Variants in ZNF420 observed in about 807,000 individuals in gnomAD.
The protein encoded by ZNF420 is zinc finger protein 420, also known as ATM and p53-associated KZNF protein.
A neutral mutation model predicts 44.7 loss-of-function variants in ZNF420; 31 were observed. The ratio of observed to expected loss-of-function variants is 0.69; its 90% CI spans 0.52 to 0.94. ZNF420 has a LOEUF of 0.94. ZNF420 is among the 40% of genes least tolerant of loss of function. The pLI, the probability that ZNF420 is intolerant of heterozygous loss-of-function variation, is 0.00. For synonymous variants in ZNF420, 245 were observed against 267.4 expected, an observed-to-expected ratio of 0.92 and a Z score of 0.82; for missense variants, 681 against 827.9, an observed-to-expected ratio of 0.82 and a Z score of 2.18.
intron 1 of ZNF420, among the ~76,000 whole-genome samples, chr19:37,027,661 T>A (rs1967181439): frequency 6.6e-6 from 1 of 152,236 alleles, no homozygotes; most frequent in South Asian, 2.1e-4. Flanking sequence ...GTATTTTATA[T>A]AATTGGAACT....
At chr19:37,075,029 G>A (rs1349625517), upstream of ZNF420, 2 of 152,188 alleles carry the variant, frequency 1.3e-5, no homozygotes, top group Admixed American at 6.5e-5. Context: ...TCTGTTGGAA[G>A]AAGTTCAAAA....
At chr19:37,099,389 G>A (rs1969635275) in intron 4 of ZNF420, among the ~76,000 whole-genome samples, 1 of 152,064 alleles carries the variant, frequency 6.6e-6, no homozygotes, top group African/African-American at 2.4e-5. Flanking sequence ...GCAGTGAGGT[G>A]ATATCTGATT....
intron 1 of ZNF420, among the ~76,000 whole-genome samples, chr19:37,020,216 C>CAAAAA (rs376616699): frequency 2.0e-5 from 2 of 99,822 alleles, no homozygotes; most frequent in Admixed American, 9.7e-5. Context: ...GACTCCGTCT[C>CAAAAA]AAAAAAAAAA....
chr19:37,105,697 CTCTTT>C (rs1356351081), intron 4 of ZNF420, among the ~76,000 whole-genome samples: 1 of 152,066 alleles, frequency 6.6e-6, no homozygotes, highest in Non-Finnish European at 1.5e-5. Context: ...TGTTTGTGTT[CTCTTT>C]TATTTCACTG....
intron 1 of ZNF420, among the ~76,000 whole-genome samples, chr19:37,060,306 A>C (rs1967853243): frequency 6.6e-6 from 1 of 152,118 alleles, no homozygotes; most frequent in Admixed American, 6.5e-5. Context: ...CCACGATACA[A>C]TCTTAAAGAA....
intron 4 of ZNF420, chr19:37,115,312 GGGACCGGCGCTCACCATACGGA>G (rs1183763524): frequency 2.6e-5 from 4 of 152,916 alleles, no homozygotes; most frequent in African/African-American, 7.2e-5. Flanking sequence ...GTGGGCCCAG[GGGACCGGCGCTCACCATACGGA>G]GGACCCGCGC....
chr19:37,109,645 A>T (rs1263499669), intron 4 of ZNF420: 1 of 152,158 alleles, frequency 6.6e-6, no homozygotes, highest in Non-Finnish European at 1.5e-5. Context: ...CGACAGGTTC[A>T]TTGTAGAACT....
In ZNF420 at chr19:37,127,748, T is replaced by C. The variant is rs1362022017; in HGVS notation, c.757T>C (p.Cys253Arg). The change falls in exon 5 of 5, where the codon TGT (cysteine) becomes CGT (arginine). Residue 253 changes from cysteine to arginine, a missense_variant. By Grantham distance (180) the Cys-to-Arg change is radical. Transcript: ENST00000337995. ...KVHTGEKPYECKECGKAFTQN... is the reference protein window; with the variant it reads ...KVHTGEKPYERKECGKAFTQN... Reference sequence around the variant, plus strand: ...TCATACTGGTGAGAAACCTTATGAATGTAAAGAATGTGGGAAGGCCTTTAC... The same window carrying C: ...TCATACTGGTGAGAAACCTTATGAACGTAAAGAATGTGGGAAGGCCTTTAC... 1.9e-6 allele frequency: 3 copies of C among 1,613,942 alleles called. No individual in the cohort carries two copies. The highest frequency in any genetic ancestry group is 2.5e-6 in the Non-Finnish European group (3 of 1,179,974).
At chr19:37,107,622 C>CA (rs1239404450) in intron 4 of ZNF420, 1 of 152,124 alleles carries the variant, frequency 6.6e-6, no homozygotes, top group East Asian at 2.0e-4. Flanking sequence ...TTCTTTTGGA[C>CA]AAAACCGCCA....
chr19:37,124,848 T>A (rs188348237), intron 4 of ZNF420, among the ~76,000 whole-genome samples: 1 of 151,916 alleles, frequency 6.6e-6, no homozygotes, highest in Non-Finnish European at 1.5e-5. Context: ...TGTATTTTGT[T>A]TTTTTTGAGA....
intron 2 of ZNF420, among the ~76,000 whole-genome samples, chr19:37,087,693 T>A (rs1968897910): frequency 6.6e-6 from 1 of 152,196 alleles, no homozygotes; most frequent in African/African-American, 2.4e-5. Flanking sequence ...TCGCCCAGGC[T>A]GGAGTGCAGT....
In ZNF420 at chr19:37,046,578, G is replaced by A. The variant is rs933280407; in HGVS notation, c.-124-33767G>A. On this transcript the variant is annotated intron_variant, in intron 1 of 4. Coordinates refer to the ZNF420 transcript ENST00000587029. ...AATGGAATCCTAAATATAAATTCAGGGTAGTAGTTACCGCTGGGGCTGAAA... is the reference window on the plus strand; with the variant it reads ...AATGGAATCCTAAATATAAATTCAGAGTAGTAGTTACCGCTGGGGCTGAAA... 4.6e-5 allele frequency among the ~76,000 whole-genome samples: 7 copies of A among 152,052 alleles called. No individual in the cohort carries two copies. The East Asian group carries it at 1.2e-3, about 25-fold the overall frequency.
intron 4 of ZNF420, among the ~76,000 whole-genome samples, chr19:37,102,856 T>G (rs1385790809): frequency 6.6e-6 from 1 of 152,232 alleles, no homozygotes; most frequent in East Asian, 1.9e-4. Context: ...CTCCAGTGCT[T>G]TGGATTTGTG....
intron 1 of ZNF420, among the ~76,000 whole-genome samples, chr19:37,033,913 C>A (rs544970040): frequency 6.6e-5 from 10 of 152,232 alleles, no homozygotes; most frequent in African/African-American, 2.4e-4. Context: ...CACAGCACCA[C>A]GCCTGGCTAA....
At chr19:37,036,636 G>A (rs1400022308) in intron 1 of ZNF420, among the ~76,000 whole-genome samples, 1 of 152,058 alleles carries the variant, frequency 6.6e-6, no homozygotes, top group Admixed American at 6.6e-5. Context: ...AATAACCCTT[G>A]GTTTTTAAAG....
At position 37,127,193 on chromosome 19, in the gene ZNF420, T is replaced by C. The variant is rs375693206; in HGVS notation, c.202T>C (p.Ser68Pro). 2 of 1,595,294 alleles carry C rather than the reference T, an allele frequency of 1.3e-6. No homozygotes were observed. The highest frequency in any genetic ancestry group is 2.7e-5 in the African/African-American group (2 of 73,978). Residue 68 changes from serine to proline, a missense_variant, in exon 5 of 5, where the codon TCC (serine) becomes CCC (proline). Ser to Pro is a moderately conservative substitution (Grantham distance 74). Coordinates refer to ENST00000337995, the MANE Select transcript of ZNF420 (RefSeq NM_144689.5). ...PEKNTYETEL[S>P]QWEMSDRLEN... is the part of the protein sequence containing the mutation. ...AAAGAACACTTATGAAACAGAATTA[T>C]CCCAATGGGAAATGAGTGACAGACT...
At chr19:37,120,041 G>A (rs548997988) in intron 4 of ZNF420, among the ~76,000 whole-genome samples, 2 of 152,234 alleles carry the variant, frequency 1.3e-5, no homozygotes, top group African/African-American at 4.8e-5. Flanking sequence ...TCTACCAGAG[G>A]TACAAGGAGG....
chr19:37,089,408 G>A (rs1390504063), intron 3 of ZNF420, among the ~76,000 whole-genome samples: 2 of 152,186 alleles, frequency 1.3e-5, no homozygotes, highest in South Asian at 2.1e-4. Flanking sequence ...TAAGGTAGAG[G>A]AGGATGTTAA....
chr19:37,046,701 GTTCAAATACA>G (rs992761459), intron 1 of ZNF420, among the ~76,000 whole-genome samples: 55 of 152,274 alleles, frequency 3.6e-4, no homozygotes, highest in African/African-American at 1.2e-3. Context: ...TTACCATGTT[GTTCAAATACA>G]TTCAAATACA....
Sources: allele counts gnomAD v4.1 joint callset (sites outside exome capture counted in the v4.1 genomes callset), GRCh38; gene constraint gnomAD v4.1.1; transcripts MANE v1.5; gene names NCBI Gene and HGNC (gene_info 2026-07-23, HGNC 2026-07-21).